SGCD: variants seen among roughly 807,000 people sequenced by gnomAD.
The protein encoded by SGCD is sarcoglycan delta, also known as delta-sarcoglycan.
Under a neutral mutation model 36.6 loss-of-function variants are expected in SGCD, and 18 were observed. The observed-to-expected ratio is 0.49, with a 90% CI of 0.34 to 0.73. The LOEUF (loss-of-function observed/expected upper bound fraction) is 0.73. SGCD is among the 30% of genes least tolerant of loss of function. The pLI is 0.01. For missense variants in SGCD, 387 were observed against 346.7 expected, an observed-to-expected ratio of 1.12 and a Z score of -0.92; for synonymous variants, 133 against 130.6, an observed-to-expected ratio of 1.02 and a Z score of -0.12.
chr5:156,459,055 T>A (rs979475247), intron 3 of SGCD, among the ~76,000 whole-genome samples: 1 of 152,126 alleles, frequency 6.6e-6, no homozygotes, highest in Non-Finnish European at 1.5e-5. Flanking sequence ...GAGTGCAGGA[T>A]CTCTTGATTA....
intron 1 of SGCD, among the ~76,000 whole-genome samples, chr5:156,027,663 A>G (rs1759253494): frequency 6.6e-6 from 1 of 152,202 alleles, no homozygotes; most frequent in Non-Finnish European, 1.5e-5. Context: ...AGAAAAAAAG[A>G]ATGAATGATC....
At chr5:155,815,980 T>A in the SGCD span, among the ~76,000 whole-genome samples, 4 of 152,164 alleles carry the variant, frequency 2.6e-5, no homozygotes, top group Admixed American at 2.0e-4. Context: ...GTTAGAAAAT[T>A]TAGGGTTCAG....
At chr5:156,429,062 G>C (rs1211854986) in intron 3 of SGCD, among the ~76,000 whole-genome samples, 1 of 151,804 alleles carries the variant, frequency 6.6e-6, no homozygotes, top group Non-Finnish European at 1.5e-5. Flanking sequence ...TTGTTTCTTT[G>C]TTGAGTTTCT....
At chr5:156,652,134 A>G (rs1284815842) in intron 7 of SGCD, among the ~76,000 whole-genome samples, 1 of 152,028 alleles carries the variant, frequency 6.6e-6, no homozygotes, top group Admixed American at 6.6e-5. Context: ...TATTGAAGTC[A>G]TTTCAGTCCT....
intron 3 of SGCD, among the ~76,000 whole-genome samples, chr5:156,186,301 G>C (rs1712499755): frequency 6.6e-6 from 1 of 152,016 alleles, no homozygotes; most frequent in Admixed American, 6.6e-5. Flanking sequence ...TGGGTAGTTG[G>C]GGGTGAAGAT....
rs138103582 is a variant in SGCD, at chr5:156,730,859, C to G, written c.576-26722C>G. 7.9e-3 allele frequency among the ~76,000 whole-genome samples: 1,206 copies of G among 152,272 alleles called. 14 individuals carry two copies. The highest frequency in any genetic ancestry group is 0.028 in the African/African-American group (1,148 of 41,548). On this transcript the variant is annotated intron_variant, in intron 7 of 8. Coordinates refer to ENST00000337851, the MANE Select transcript of SGCD (RefSeq NM_000337.6). ...GTGACTAAACTTATTTACACTCCCA[C>G]CAACAGTGTATAAGCATTCCTTTTT...
intron 3 of SGCD, among the ~76,000 whole-genome samples, chr5:156,434,333 G>T (rs1022042540): frequency 1.3e-5 from 2 of 152,184 alleles, no homozygotes. Context: ...AGATGGGAGG[G>T]ATGGCTCCCC....
intron 3 of SGCD, among the ~76,000 whole-genome samples, chr5:156,352,114 A>G (rs1465366459): frequency 6.6e-6 from 1 of 152,198 alleles, no homozygotes; most frequent in African/African-American, 2.4e-5. Context: ...CAGCCCAATC[A>G]GAATAACCTG....
At chr5:156,023,197 A>T (rs961677279) in intron 1 of SGCD, among the ~76,000 whole-genome samples, 1 of 152,174 alleles carries the variant, frequency 6.6e-6, no homozygotes, top group African/African-American at 2.4e-5. Flanking sequence ...ATGTGTAGGC[A>T]CCCAACAGGG....
chr5:155,966,935 ATGTGTGTG>A (rs145801010), intron 1 of SGCD, among the ~76,000 whole-genome samples: 1 of 148,184 alleles, frequency 6.7e-6, no homozygotes, highest in African/African-American at 2.5e-5. Flanking sequence ...ATAGGTTTTC[ATGTGTGTG>A]TGTGTGTGTG....
At chr5:156,087,695 G>T (rs1761136858) in intron 1 of SGCD, among the ~76,000 whole-genome samples, 1 of 150,908 alleles carries the variant, frequency 6.6e-6, no homozygotes, top group South Asian at 2.1e-4. Context: ...ACAGCTTTAT[G>T]CATGTGGTAC....
chr5:155,772,124 A>C, the SGCD span, among the ~76,000 whole-genome samples: 1 of 152,138 alleles, frequency 6.6e-6, no homozygotes, highest in Non-Finnish European at 1.5e-5. Flanking sequence ...GGGTCACAGC[A>C]CTTCAGAACT....
chr5:156,532,901 C>T (rs1177117021), intron 4 of SGCD, among the ~76,000 whole-genome samples: 2 of 152,184 alleles, frequency 1.3e-5, no homozygotes, highest in East Asian at 3.9e-4. Flanking sequence ...CTTATGAAGG[C>T]TCTATCACTT....
intron 3 of SGCD, among the ~76,000 whole-genome samples, chr5:156,172,134 ACTAG>A (rs1403962764): frequency 6.6e-6 from 1 of 152,052 alleles, no homozygotes; most frequent in Non-Finnish European, 1.5e-5. Flanking sequence ...AATACAAAAA[ACTAG>A]CTGGGCATGG....
intron 3 of SGCD, among the ~76,000 whole-genome samples, chr5:156,409,231 CT>C (rs1434452521): frequency 6.6e-6 from 1 of 152,226 alleles, no homozygotes; most frequent in African/African-American, 2.4e-5. Flanking sequence ...CTACAAACCC[CT>C]TTTTTCCTTC....
intron 1 of SGCD, among the ~76,000 whole-genome samples, chr5:155,982,880 C>G (rs1758257561): frequency 6.6e-6 from 1 of 152,130 alleles, no homozygotes. Context: ...GTGTGGTTTT[C>G]TCTACTTAAC....
chr5:156,130,783 T>A, intron 3 of SGCD, among the ~76,000 whole-genome samples: 1 of 152,022 alleles, frequency 6.6e-6, no homozygotes, highest in Non-Finnish European at 1.5e-5. Flanking sequence ...CTGGAGTACA[T>A]TGGTGCAATC....
intron 3 of SGCD, among the ~76,000 whole-genome samples, chr5:156,246,149 C>G (rs1765432926): frequency 6.6e-6 from 1 of 152,132 alleles, no homozygotes; most frequent in Non-Finnish European, 1.5e-5. Flanking sequence ...CAGCTCCTTG[C>G]TGTTACATAG....
chr5:155,803,259 G>A, the SGCD span, among the ~76,000 whole-genome samples: 1 of 152,204 alleles, frequency 6.6e-6, no homozygotes, highest in Non-Finnish European at 1.5e-5. Flanking sequence ...AGCCGAAAGA[G>A]CAGCCAGCAG....
Sources: allele counts gnomAD v4.1 joint callset (sites outside exome capture counted in the v4.1 genomes callset), GRCh38; gene constraint gnomAD v4.1.1; transcripts MANE v1.5; gene names NCBI Gene and HGNC (gene_info 2026-07-23, HGNC 2026-07-21).